The following SCGB2B2 variants were observed in gnomAD, a reference collection of about 807,000 sequenced individuals.
SCGB2B2 encodes the protein secretoglobin family 2B member 2, also known as secretoglobin-like protein.
Under a neutral mutation model 7.6 loss-of-function variants are expected in SCGB2B2, and 11 were observed. The observed-to-expected ratio is 1.45, with a 90% CI of 0.91 to 2.40. The LOEUF (loss-of-function observed/expected upper bound fraction) is 2.40, where lower values mean the gene tolerates loss of function less well. Among genes scored for constraint, SCGB2B2 ranks in the 30% most tolerant of loss-of-function variants. SCGB2B2 has a pLI of 0.00. For missense variants in SCGB2B2, 104 were observed against 115.4 expected (o/e 0.90, Z 0.45); for synonymous variants, 50 against 48.6 (o/e 1.03, Z -0.12).
chr19:34,586,257 TA>T (rs201079068), downstream of SCGB2B2, among the ~76,000 whole-genome samples: 251 of 152,360 alleles, frequency 1.6e-3, 2 homozygotes, highest in African/African-American at 5.5e-3. Context: ...TATTTTGTTT[TA>T]ATATCTTTTA....
downstream of SCGB2B2, among the ~76,000 whole-genome samples, chr19:34,589,774 G>A (rs1345939498): frequency 2.0e-5 from 3 of 152,160 alleles, no homozygotes; most frequent in Non-Finnish European, 4.4e-5. Flanking sequence ...GGCAGGTGTG[G>A]GGACAGAAGA....
chr19:34,641,653 CTTTTCT>C (rs2066845256), intron 1 of SCGB2B2, among the ~76,000 whole-genome samples: 1 of 40,834 alleles, frequency 2.4e-5, no homozygotes, highest in Non-Finnish European at 4.9e-5. Flanking sequence ...GGGTGATCAC[CTTTTCT>C]ATTTCTAGTT....
chr19:34,597,646 A>G (rs1294565828), intron 1 of SCGB2B2, among the ~76,000 whole-genome samples: 2 of 152,210 alleles, frequency 1.3e-5, no homozygotes, highest in East Asian at 3.9e-4. Context: ...GCAGCCAGCC[A>G]GAGGGTGTGG....
chr19:34,627,979 G>A (rs1214549045), intron 1 of SCGB2B2, among the ~76,000 whole-genome samples: 3 of 152,086 alleles, frequency 2.0e-5, no homozygotes, highest in Admixed American at 6.5e-5. Context: ...ACTTAAAACC[G>A]CTCAACTACA....
At chr19:34,666,483 T>C (rs372219174) in intron 1 of SCGB2B2, among the ~76,000 whole-genome samples, 64 of 152,158 alleles carry the variant, frequency 4.2e-4, no homozygotes, top group South Asian at 8.3e-4. Context: ...ATGCCTGCAG[T>C]GCACAGCCAC....
At chr19:34,619,416 ATT>A (rs34305413) in intron 1 of SCGB2B2, among the ~76,000 whole-genome samples, 1 of 152,028 alleles carries the variant, frequency 6.6e-6, no homozygotes, top group Non-Finnish European at 1.5e-5. Flanking sequence ...TGGCTTTTGA[ATT>A]TTTTTTACTA....
At chr19:34,662,959 CAAAA>C (rs200722278) in intron 1 of SCGB2B2, among the ~76,000 whole-genome samples, 2 of 147,636 alleles carry the variant, frequency 1.4e-5, no homozygotes, top group African/African-American at 5.2e-5. Context: ...AACAAACAAA[CAAAA>C]AAAAACAATA....
chr19:34,625,107 G>C (rs1359212933), intron 1 of SCGB2B2, among the ~76,000 whole-genome samples: 3 of 152,152 alleles, frequency 2.0e-5, no homozygotes, highest in Non-Finnish European at 1.5e-5. Context: ...GCAGTTTGCA[G>C]CAAAACCCTT....
chr19:34,595,023 C>A lies in SCGB2B2; in HGVS notation c.-460G>T, dbSNP rs1600033666. 1 of 175,744 alleles carries A rather than the reference C, an allele frequency of 5.7e-6. No individual in the cohort carries two copies. The highest frequency in any genetic ancestry group is 1.4e-4 in the East Asian group (1 of 6,906). 10.9% of individuals were successfully genotyped at this position (175,744 alleles called of 1,614,324 possible). The stretch of plus-strand genomic sequence containing the variant: ...TGAGTATGTCTGTCTGAATGGATAG[C>A]ACATTAGGTGCAGCTTTTGAGAAAT... On this transcript the variant is annotated 5_prime_UTR_variant, in exon 2 of 4. Transcript: ENST00000601241.
chr19:34,644,871 G>A lies in SCGB2B2; in HGVS notation c.-2032+30759C>T, dbSNP rs182867820. ...TTTATGAAAGGCTCATATGTAATAA[G>A]TACTATTAACTGAGTGCCCACTTTG... On this transcript the variant is annotated intron_variant, in intron 1 of 3. Transcript: ENST00000601241. Among the ~76,000 whole-genome samples, 9 of 152,334 alleles carry A rather than the reference G, an allele frequency of 5.9e-5. No homozygotes were observed. In the East Asian group the frequency reaches 1.5e-3, roughly 26 times the overall value.
At chr19:34,639,817 A>G (rs2066791328) in intron 1 of SCGB2B2, among the ~76,000 whole-genome samples, 1 of 152,188 alleles carries the variant, frequency 6.6e-6, no homozygotes, top group Admixed American at 6.5e-5. Context: ...TTCCTCTGAC[A>G]GTTCCCATAA....
At chr19:34,599,547 C>G (rs1030285773) in intron 1 of SCGB2B2, among the ~76,000 whole-genome samples, 1 of 152,164 alleles carries the variant, frequency 6.6e-6, no homozygotes, top group East Asian at 1.9e-4. Context: ...CATCAGATCT[C>G]GTGAGACTTA....
intron 1 of SCGB2B2, among the ~76,000 whole-genome samples, chr19:34,603,029 T>C (rs1600040290): frequency 6.6e-6 from 1 of 152,204 alleles, no homozygotes; most frequent in African/African-American, 2.4e-5. Flanking sequence ...TGGGATTTTC[T>C]TTGCAAAATC....
intron 1 of SCGB2B2, among the ~76,000 whole-genome samples, chr19:34,599,308 G>A (rs1457844303): frequency 1.3e-5 from 2 of 152,248 alleles, no homozygotes; most frequent in African/African-American, 4.8e-5. Flanking sequence ...TCACATGGGT[G>A]CAGCTCGCCC....
chr19:34,594,861 C>G lies in SCGB2B2; in HGVS notation c.-298G>C. 1 of 452,504 alleles carries G rather than the reference C, an allele frequency of 2.2e-6. No individual in the cohort carries two copies. Among genetic ancestry groups the G allele is most frequent in the South Asian group, 2.2e-5 (1 of 44,718 alleles). 28.0% of individuals were successfully genotyped at this position (452,504 alleles called of 1,614,324 possible). ...GGAGCTCCCTGGGATTGGGAGCAGGCTGAACACTGGTGTAAGCCTGCAAGT... is the reference window on the plus strand; with the variant it reads ...GGAGCTCCCTGGGATTGGGAGCAGGGTGAACACTGGTGTAAGCCTGCAAGT... On this transcript the variant is annotated 5_prime_UTR_variant, in exon 2 of 4. Coordinates refer to ENST00000601241, the MANE Select transcript of SCGB2B2 (RefSeq NM_001025591.4).
chr19:34,600,649 C>T lies in SCGB2B2; in HGVS notation c.-2031-4055G>A, dbSNP rs150400321. Reference sequence around the variant, plus strand: ...TGGTGTAATGAGGTTGAGGCCTCTTCATGTGTTTATTCGTCATTTAGTGAA... The same window carrying T: ...TGGTGTAATGAGGTTGAGGCCTCTTTATGTGTTTATTCGTCATTTAGTGAA... On this transcript the variant is annotated intron_variant, in intron 1 of 3. Coordinates refer to ENST00000601241, the MANE Select transcript of SCGB2B2 (RefSeq NM_001025591.4). Among the ~76,000 whole-genome samples, 408 of 152,274 alleles carry T rather than the reference C, an allele frequency of 2.7e-3. 1 individual carries two copies. Among genetic ancestry groups the T allele is most frequent in the African/African-American group, 9.4e-3 (390 of 41,546 alleles).
intron 1 of SCGB2B2, among the ~76,000 whole-genome samples, chr19:34,675,382 C>T (rs1213116944): frequency 2.6e-5 from 4 of 152,206 alleles, no homozygotes; most frequent in Non-Finnish European, 5.9e-5. Context: ...TTCACAACCA[C>T]ACCCACAGGA....
intron 1 of SCGB2B2, among the ~76,000 whole-genome samples, chr19:34,628,880 G>A (rs903310970): frequency 1.3e-5 from 2 of 151,854 alleles, no homozygotes; most frequent in African/African-American, 4.8e-5. Flanking sequence ...ATAAAATACT[G>A]GCAAACCGAA....
intron 1 of SCGB2B2, among the ~76,000 whole-genome samples, chr19:34,598,716 T>C (rs1199456701): frequency 1.3e-5 from 2 of 152,044 alleles, no homozygotes; most frequent in East Asian, 1.9e-4. Flanking sequence ...AATCACTTCC[T>C]TGTGACAGGT....
Sources: gnomAD v4.1 joint callset for allele counts (sites outside exome capture counted in the v4.1 genomes callset) on GRCh38, gnomAD v4.1.1 for gene constraint, MANE v1.5 for transcripts, NCBI Gene and HGNC (gene_info 2026-07-23, HGNC 2026-07-21) for gene names.